Variants in LCOR observed in about 807,000 individuals in gnomAD.
The protein encoded by LCOR is ligand dependent nuclear receptor corepressor.
In LCOR, 14 loss-of-function variants were observed where a neutral mutation model predicts 64.4. The observed-to-expected ratio is 0.22, with a 90% CI of 0.14 to 0.34. The LOEUF (loss-of-function observed/expected upper bound fraction) is 0.34. Among genes scored for constraint, LCOR ranks in the 10% least tolerant of loss-of-function variants. LCOR has a pLI of 1.00. For synonymous variants in LCOR, 643 were observed against 642.5 expected (o/e 1.00, Z -0.01); for missense variants, 1,686 against 1,765.3 (o/e 0.96, Z 0.80).
intron 2 of LCOR, among the ~76,000 whole-genome samples, chr10:96,889,758 T>C (rs938130142): frequency 2.6e-5 from 4 of 152,230 alleles, no homozygotes; most frequent in African/African-American, 7.2e-5. Flanking sequence ...TAATATTCCA[T>C]TGGATGGCTG....
At position 96,983,135 on chromosome 10, in the gene LCOR, C is replaced by T; in HGVS notation, c.2675C>T (p.Pro892Leu). 6.2e-7 allele frequency: 1 copy of T among 1,613,784 alleles called. No individual in the cohort carries two copies. Among genetic ancestry groups the T allele is most frequent in the Non-Finnish European group, 8.5e-7 (1 of 1,179,822 alleles). Residue 892 changes from proline to leucine, a missense_variant, in exon 8 of 8, where the codon CCC becomes CTC. Physicochemically the swap from Pro to Leu is moderately conservative, Grantham distance 98. Transcript: ENST00000421806. This position sits in a 1 kb window ranked among gnomAD's most constrained non-coding sequence, Gnocchi z 4.5. ...GAAAAGCCAAGTGTCAATGAACGCC[C>T]CTCTGAGAAAGATGCTGAGCAGGAG... Reference protein sequence around the residue: ...DTEKPSVNERPSEKDAEQEGE... With the variant: ...DTEKPSVNERLSEKDAEQEGE...
intron 4 of LCOR, among the ~76,000 whole-genome samples, chr10:96,927,765 C>A (rs947833649): frequency 2.6e-5 from 4 of 152,036 alleles, no homozygotes; most frequent in African/African-American, 9.7e-5. Context: ...GTCATTTGAC[C>A]ATATACATGT....
At chr10:96,842,928 G>T (rs920146292) in intron 2 of LCOR, among the ~76,000 whole-genome samples, 1 of 151,962 alleles carries the variant, frequency 6.6e-6, no homozygotes, top group Non-Finnish European at 1.5e-5. Context: ...ATCATGGCCC[G>T]CCCCTAGTTT....
At chr10:96,900,266 A>C (rs963651784) in intron 2 of LCOR, among the ~76,000 whole-genome samples, 2 of 152,072 alleles carry the variant, frequency 1.3e-5, no homozygotes, top group African/African-American at 2.4e-5. Flanking sequence ...CATTGTATGG[A>C]TATACCACAT....
At chr10:96,927,160 G>A (rs1004694452) in intron 4 of LCOR, among the ~76,000 whole-genome samples, 9 of 152,140 alleles carry the variant, frequency 5.9e-5, no homozygotes, top group Non-Finnish European at 8.8e-5. Context: ...AGTGTTCCTC[G>A]TCTTACCAAC....
intron 2 of LCOR, among the ~76,000 whole-genome samples, chr10:96,835,402 T>G (rs1845425791): frequency 6.6e-6 from 1 of 152,202 alleles, no homozygotes; most frequent in South Asian, 2.1e-4. Context: ...GAGCAATATT[T>G]TAATCTGAGC....
intron 4 of LCOR, among the ~76,000 whole-genome samples, chr10:96,935,139 C>CTTTTTT (rs34176037): frequency 6.1e-5 from 4 of 65,544 alleles, no homozygotes; most frequent in Admixed American, 3.3e-4. Flanking sequence ...GGCTATTTTA[C>CTTTTTT]TTTTTTTTTT....
At position 96,888,992 on chromosome 10, in the gene LCOR, C is replaced by T. The variant is rs190537762; in HGVS notation, c.-329-18273C>T. On this transcript the variant is annotated intron_variant, in intron 2 of 7. Coordinates refer to ENST00000421806, the MANE Select transcript of LCOR (RefSeq NM_001346516.2). ...AAGTTGTATCTTCCGTTATTTCACTCCATTTTAAAAAACTAAAATTCACCA... is the reference window on the plus strand; with the variant it reads ...AAGTTGTATCTTCCGTTATTTCACTTCATTTTAAAAAACTAAAATTCACCA... Among the ~76,000 whole-genome samples the T allele has an allele frequency of 1.2e-4, 18 of 152,280 alleles. No individual in the cohort carries two copies. In the East Asian group the frequency reaches 3.5e-3, roughly 29 times the overall value.
At position 96,877,598 on chromosome 10, in the gene LCOR, A is replaced by ATTTTT. The variant is rs57119025; in HGVS notation, c.-329-29640_-329-29636dup. ...CAAGGGTGTCAACTCATTTTTCTGA[A>ATTTTT]TTTTTTTTTTTTTTTTTTTTTTTTT... On this transcript the variant is annotated intron_variant, in intron 2 of 7. Transcript: ENST00000421806. Among the ~76,000 whole-genome samples, 85 of 65,678 alleles carry ATTTTT rather than the reference A, an allele frequency of 1.3e-3. 6 individuals are homozygous for ATTTTT. Among genetic ancestry groups the ATTTTT allele is most frequent in the African/African-American group, 5.2e-3 (80 of 15,474 alleles). 43.1% of individuals were successfully genotyped at this position (65,678 alleles called of 152,430 possible). A position where few individuals can be genotyped will look rare whatever the true frequency, so the allele number is the denominator to read the frequency against.
At chr10:96,835,553 C>T (rs1845427967) in intron 2 of LCOR, among the ~76,000 whole-genome samples, 1 of 152,172 alleles carries the variant, frequency 6.6e-6, no homozygotes, top group South Asian at 2.1e-4. Flanking sequence ...TTTAAAAGGA[C>T]TGGCAGTGAT....
intron 7 of LCOR, among the ~76,000 whole-genome samples, chr10:96,974,247 G>A (rs1848020510): frequency 6.6e-6 from 1 of 152,188 alleles, no homozygotes; most frequent in Non-Finnish European, 1.5e-5. Flanking sequence ...TTCTCACCAA[G>A]GAGATAAACT....
intron 2 of LCOR, among the ~76,000 whole-genome samples, chr10:96,878,502 C>G (rs1001411726): frequency 6.6e-6 from 1 of 152,116 alleles, no homozygotes; most frequent in African/African-American, 2.4e-5. Flanking sequence ...TAGGAGGACT[C>G]TAAAGTTTTT....
chr10:96,851,438 G>A (rs1037873717), intron 2 of LCOR, among the ~76,000 whole-genome samples: 2 of 152,188 alleles, frequency 1.3e-5, no homozygotes, highest in African/African-American at 4.8e-5. Flanking sequence ...CATGAAGGAT[G>A]CCATGAATCA....
At chr10:96,847,128 C>T (rs1308557322) in intron 2 of LCOR, among the ~76,000 whole-genome samples, 1 of 152,002 alleles carries the variant, frequency 6.6e-6, no homozygotes, top group Non-Finnish European at 1.5e-5. Context: ...CTGTTGGTCC[C>T]AGCTACCTGG....
At chr10:96,871,011 A>G (rs190287807) in intron 2 of LCOR, among the ~76,000 whole-genome samples, 70 of 152,302 alleles carry the variant, frequency 4.6e-4, no homozygotes, top group African/African-American at 9.4e-4. Context: ...GTACAGAACA[A>G]TGAGTAGATG....
intron 2 of LCOR, among the ~76,000 whole-genome samples, chr10:96,865,550 AC>A (rs36102515): frequency 0.29 from 44,457 of 151,730 alleles, 8,147 homozygotes; most frequent in Non-Finnish European, 0.39. Context: ...AGTTGTATAC[AC>A]CCCTATGGCC....
At chr10:96,932,689 C>T (rs771457451) in intron 4 of LCOR, among the ~76,000 whole-genome samples, 2 of 152,084 alleles carry the variant, frequency 1.3e-5, no homozygotes, top group African/African-American at 2.4e-5. Flanking sequence ...GTCTCGATCT[C>T]CTGACCTTGT....
chr10:96,909,519 T>C (rs1338503911), intron 4 of LCOR, among the ~76,000 whole-genome samples: 1 of 152,248 alleles, frequency 6.6e-6, no homozygotes, highest in Non-Finnish European at 1.5e-5. Context: ...TTTGAATCTT[T>C]TGTTCCTTAC....
Position 96,911,749 on chromosome 10 carries a change from A to G in LCOR, c.-184+4002A>G, listed in dbSNP as rs542964433. ...GCCTGACTGCCTCAGTTACCTGCTTACTTCTTTCCTTCCTCCCATTTTCTG... is the reference window on the plus strand; with the variant it reads ...GCCTGACTGCCTCAGTTACCTGCTTGCTTCTTTCCTTCCTCCCATTTTCTG... On this transcript the variant is annotated intron_variant, in intron 4 of 7. Coordinates refer to ENST00000421806, the MANE Select transcript of LCOR (RefSeq NM_001346516.2). 1.2e-4 allele frequency among the ~76,000 whole-genome samples: 18 copies of G among 152,322 alleles called. No homozygotes were observed. The East Asian group carries it at 1.5e-3, about 13-fold the overall frequency.
Sources: allele counts gnomAD v4.1 joint callset (sites outside exome capture counted in the v4.1 genomes callset), GRCh38; gene constraint gnomAD v4.1.1; non-coding constraint Gnocchi (gnomAD v3.1); transcripts MANE v1.5; gene names NCBI Gene and HGNC (gene_info 2026-07-23, HGNC 2026-07-21).